NUDT9: variants seen among roughly 807,000 people sequenced by gnomAD.
The protein encoded by NUDT9 is ADP-ribose pyrophosphatase.
In NUDT9, 31 loss-of-function variants were observed where a neutral mutation model predicts 41.0. That is an observed-to-expected ratio of 0.76 (90% confidence interval 0.57 to 1.02). The LOEUF is 1.02. Ranked by LOEUF, NUDT9 falls within the 50% of genes least tolerant of loss-of-function variation. The pLI is 0.00. For synonymous variants in NUDT9, 146 were observed against 147.6 expected (o/e 0.99, Z 0.08); for missense variants, 380 against 431.4 (o/e 0.88, Z 1.06).
At chr4:87,451,489 G>A in intron 5 of NUDT9, 100 bp from the exon 6 acceptor site, 1 of 907,162 alleles carries the variant, frequency 1.1e-6, no homozygotes, top group Non-Finnish European at 1.7e-6. Context: ...CACTATTATA[G>A]GCAGATTGAA....
intron 4 of NUDT9, among the ~76,000 whole-genome samples, chr4:87,443,260 C>CAT (rs746901924): frequency 6.6e-6 from 1 of 152,022 alleles, no homozygotes; most frequent in Non-Finnish European, 1.5e-5. Context: ...CACACACACA[C>CAT]ATGCCTGCAC....
At chr4:87,455,641 G>A (rs1722952429) in intron 7 of NUDT9, among the ~76,000 whole-genome samples, 2 of 148,588 alleles carry the variant, frequency 1.3e-5, no homozygotes, top group African/African-American at 5.0e-5. Flanking sequence ...TGCTTTTAGT[G>A]CTTTTTTTTC....
intron 4 of NUDT9, among the ~76,000 whole-genome samples, chr4:87,446,513 G>A (rs186175352): frequency 2.4e-4 from 37 of 152,192 alleles, no homozygotes; most frequent in African/African-American, 7.2e-4. Flanking sequence ...GATTACAGGC[G>A]TGGGCCACTG....
chr4:87,453,105 C>T (rs888565949), intron 6 of NUDT9, among the ~76,000 whole-genome samples: 1 of 152,110 alleles, frequency 6.6e-6, no homozygotes, highest in Non-Finnish European at 1.5e-5. Flanking sequence ...AGCCACCGCA[C>T]CCGGCCTTTT....
Position 87,430,229 on chromosome 4 carries a change from A to G in NUDT9, c.108-4752A>G, listed in dbSNP as rs372518868. On this transcript the variant is annotated intron_variant, in intron 1 of 7. Transcript: ENST00000302174. The stretch of plus-strand genomic sequence containing the variant: ...ATGAGGATTCCCTCTAGAAGCTGGG[A>G]AAGTATGGCAAATGGATTTTTCTCT... 1.3e-5 allele frequency among the ~76,000 whole-genome samples: 2 copies of G among 152,230 alleles called. 1 individual carries two copies. The highest frequency in any genetic ancestry group is 3.8e-4 in the East Asian group (2 of 5,200).
intron 4 of NUDT9, among the ~76,000 whole-genome samples, chr4:87,446,404 T>C (rs1433809186): frequency 6.6e-6 from 1 of 152,042 alleles, no homozygotes; most frequent in East Asian, 1.9e-4. Flanking sequence ...CCCAGCTAAT[T>C]TTTTGTATTT....
chr4:87,432,766 G>A (rs1721740988), intron 1 of NUDT9, among the ~76,000 whole-genome samples: 1 of 146,372 alleles, frequency 6.8e-6, no homozygotes, highest in African/African-American at 2.5e-5. Context: ...CAAGAAGATT[G>A]TGTTTTTTTT....
chr4:87,444,866 T>C (rs573781179), intron 4 of NUDT9, among the ~76,000 whole-genome samples: 9 of 152,344 alleles, frequency 5.9e-5, no homozygotes, highest in African/African-American at 1.9e-4. Flanking sequence ...TGGCAGAGTC[T>C]GGCTTTCAAC....
Position 87,446,724 on chromosome 4 carries a change from A to G in NUDT9, c.531-2418A>G, listed in dbSNP as rs115188261. On this transcript the variant is annotated intron_variant, in intron 4 of 7. Coordinates refer to ENST00000302174, the MANE Select transcript of NUDT9 (RefSeq NM_024047.5). The stretch of plus-strand genomic sequence containing the variant: ...CTCATTTTCCATATCTGTAAAATAA[A>G]GATAATAAAACAACTATGTTATAGG... Among the ~76,000 whole-genome samples the G allele has an allele frequency of 9.6e-3, 1,458 of 152,328 alleles. 18 individuals are homozygous for G. Among genetic ancestry groups the G allele is most frequent in the African/African-American group, 0.029 (1,222 of 41,576 alleles).
At chr4:87,440,396 G>A (rs1560793289) in intron 3 of NUDT9, among the ~76,000 whole-genome samples, 1 of 152,090 alleles carries the variant, frequency 6.6e-6, no homozygotes, top group Non-Finnish European at 1.5e-5. Context: ...CTCTCTTTGC[G>A]AATAACCATC....
At chr4:87,448,831 C>T (rs552526254) in intron 4 of NUDT9, among the ~76,000 whole-genome samples, 3 of 152,202 alleles carry the variant, frequency 2.0e-5, no homozygotes, top group Admixed American at 6.6e-5. Context: ...ATAACCTTTT[C>T]TTTAAATTCT....
chr4:87,452,542 T>C (rs984610026), intron 6 of NUDT9, among the ~76,000 whole-genome samples: 1 of 151,736 alleles, frequency 6.6e-6, no homozygotes, highest in African/African-American at 2.4e-5. Flanking sequence ...TTTTGACCTC[T>C]TGGGCTCCTG....
Position 87,437,553 on chromosome 4 carries a change from A to G in NUDT9, c.348-724A>G, listed in dbSNP as rs572585193. On this transcript the variant is annotated intron_variant, in intron 2 of 7. Transcript: ENST00000302174. The stretch of plus-strand genomic sequence containing the variant: ...GAGATGGGGTTCCACCATGTTAGCC[A>G]GGATGGTCTTGATCTCCTGACCTTG... 1.4e-4 allele frequency among the ~76,000 whole-genome samples: 22 copies of G among 151,826 alleles called. No homozygotes were observed. The South Asian group carries it at 4.4e-3, about 30-fold the overall frequency.
rs920621725 is a variant in NUDT9, at chr4:87,457,017, C to T, written c.875-826C>T. ...TGTCTCTATTTCATCAGAATAAATT[C>T]TTCAAAGAGGAATTACTGGATTGCT... On this transcript the variant is annotated intron_variant, in intron 7 of 7. Transcript: ENST00000302174. 7.2e-5 allele frequency among the ~76,000 whole-genome samples: 11 copies of T among 152,142 alleles called. No homozygotes were observed. The South Asian group carries it at 8.3e-4, about 11-fold the overall frequency.
In NUDT9 at chr4:87,428,858, G is replaced by A. The variant is rs76101974; in HGVS notation, c.107+5846G>A. On this transcript the variant is annotated intron_variant, in intron 1 of 7. Transcript: ENST00000302174. ...ATTGTCAACATCCCCACAGAGCCAC[G>A]GAGCCATACGTTTGTTAAAATTGAA... is the stretch of plus-strand genomic sequence containing the variant. 4.3e-4 allele frequency among the ~76,000 whole-genome samples: 65 copies of A among 152,196 alleles called. No individual in the cohort carries two copies. In the East Asian group the frequency reaches 0.011, roughly 25 times the overall value.
chr4:87,424,156 T>C (rs1357788904), intron 1 of NUDT9, among the ~76,000 whole-genome samples: 1 of 151,912 alleles, frequency 6.6e-6, no homozygotes, highest in Non-Finnish European at 1.5e-5. Context: ...TCCATGGTTA[T>C]TGTCGCGCTG....
intron 1 of NUDT9, among the ~76,000 whole-genome samples, chr4:87,426,068 C>T (rs1355387626): frequency 2.0e-5 from 3 of 152,164 alleles, no homozygotes; most frequent in Non-Finnish European, 4.4e-5. Flanking sequence ...CTGCCTTGGC[C>T]TCCTAAAGTT....
At chr4:87,432,952 G>T (rs1166973625) in intron 1 of NUDT9, among the ~76,000 whole-genome samples, 1 of 152,044 alleles carries the variant, frequency 6.6e-6, no homozygotes, top group East Asian at 1.9e-4. Context: ...AAAGATAATG[G>T]TTTGTAGTTT....
chr4:87,454,531 T>G, intron 7 of NUDT9, 76 bp downstream of exon 7: 1 of 967,678 alleles, frequency 1.0e-6, no homozygotes, highest in Non-Finnish European at 1.7e-6. Flanking sequence ...CATGATTAAA[T>G]CTGGACTATT....
Sources: gnomAD v4.1 joint callset for allele counts (sites outside exome capture counted in the v4.1 genomes callset) on GRCh38, gnomAD v4.1.1 for gene constraint, MANE v1.5 for transcripts, NCBI Gene and HGNC (gene_info 2026-07-23, HGNC 2026-07-21) for gene names.